Variants in ROBO2 observed in about 807,000 individuals in gnomAD.
The protein encoded by ROBO2 is roundabout homolog 2.
A neutral mutation model predicts 160.8 loss-of-function variants in ROBO2; 53 were observed. The ratio of observed to expected loss-of-function variants is 0.33; its 90% CI spans 0.26 to 0.41. The LOEUF (loss-of-function observed/expected upper bound fraction) is 0.41. Among genes scored for constraint, ROBO2 ranks in the 10% least tolerant of loss-of-function variants. ROBO2 has a pLI of 1.00. For missense variants in ROBO2, 1,577 were observed against 1,722.4 expected (o/e 0.92, Z 1.49); for synonymous variants, 664 against 611.7 (o/e 1.09, Z -1.26).
chr3:77,174,184 A>C (rs2079910105), intron 2 of ROBO2, among the ~76,000 whole-genome samples: 1 of 152,060 alleles, frequency 6.6e-6, no homozygotes, highest in African/African-American at 2.4e-5. Context: ...CAAAACATTA[A>C]CTGAGTCCTG....
rs2079168252 is a variant in ROBO2 at position 77,167,079 on chromosome 3, T to C, written c.388+68739T>C. ...AGTTTAAAATCTTGTCTACCAGCTC[T>C]GTGACAAACTGTACAAATTTGAGTA... On this transcript the variant is annotated intron_variant, in intron 2 of 25. Coordinates refer to ENST00000461745, the Ensembl canonical transcript of ROBO2. Among the ~76,000 whole-genome samples the C allele has an allele frequency of 2.6e-5, 4 of 152,222 alleles. No individual in the cohort carries two copies. In the South Asian group the frequency reaches 8.3e-4, roughly 31 times the overall value.
rs78969288 is a variant in ROBO2, at chr3:76,185,339, A to C, written c.109+247737A>C. Reference sequence around the variant, plus strand: ...ATCTATTATCATTGCTTTAAGTTGCATCTGTTTGATTACTTGCAAAATTAA... The same window carrying C: ...ATCTATTATCATTGCTTTAAGTTGCCTCTGTTTGATTACTTGCAAAATTAA... On this transcript the variant is annotated intron_variant, in intron 2 of 26. Transcript: ENST00000487694. Among the ~76,000 whole-genome samples the C allele has an allele frequency of 3.3e-5, 5 of 151,518 alleles. No individual in the cohort carries two copies. The East Asian group carries it at 9.7e-4, about 29-fold the overall frequency.
rs892649836 is a variant in ROBO2 at position 76,198,957 on chromosome 3, C to A, written c.109+261355C>A. Among the ~76,000 whole-genome samples, 5 of 152,214 alleles carry A rather than the reference C, an allele frequency of 3.3e-5. No homozygotes were observed. The East Asian group carries it at 9.7e-4, about 29-fold the overall frequency. On this transcript the variant is annotated intron_variant, in intron 2 of 26. Transcript: ENST00000487694. ...TAAAATGTATGAAATTGAACTGTAC[C>A]CCAACTACCTTGGGTACATGTTCTC...
At chr3:75,914,658 C>T (rs1278091442) in intron 1 of ROBO2, among the ~76,000 whole-genome samples, 1 of 152,088 alleles carries the variant, frequency 6.6e-6, no homozygotes, top group Non-Finnish European at 1.5e-5. Context: ...CACATAAATG[C>T]AAAAGAATTT....
intron 2 of ROBO2, among the ~76,000 whole-genome samples, chr3:76,596,977 G>T (rs2086775353): frequency 6.6e-6 from 1 of 152,080 alleles, no homozygotes; most frequent in African/African-American, 2.4e-5. Flanking sequence ...ATATCAGTGG[G>T]ATAAAAATAT....
chr3:76,935,363 T>C (rs1372611829), intron 2 of ROBO2, among the ~76,000 whole-genome samples: 3 of 152,224 alleles, frequency 2.0e-5, no homozygotes, highest in African/African-American at 2.4e-5. Flanking sequence ...GATGATACAA[T>C]ACTGTTAACA....
intron 2 of ROBO2, among the ~76,000 whole-genome samples, chr3:76,562,719 G>T (rs539833327): frequency 6.6e-6 from 1 of 152,124 alleles, no homozygotes; most frequent in South Asian, 2.1e-4. Context: ...ATAATATTTT[G>T]TCATGTCTTT....
chr3:76,134,420 C>T (rs931229658), intron 2 of ROBO2, among the ~76,000 whole-genome samples: 20 of 152,114 alleles, frequency 1.3e-4, no homozygotes, highest in African/African-American at 3.4e-4. Flanking sequence ...CCAACACCCC[C>T]GTGATTATGT....
At chr3:76,449,190 A>G (rs1184226497) in intron 2 of ROBO2, among the ~76,000 whole-genome samples, 1 of 152,174 alleles carries the variant, frequency 6.6e-6, no homozygotes, top group East Asian at 1.9e-4. Flanking sequence ...GTTTAAAACT[A>G]TGTATAAATG....
intron 2 of ROBO2, among the ~76,000 whole-genome samples, chr3:77,440,242 T>G (rs2079773787): frequency 6.6e-6 from 1 of 152,184 alleles, no homozygotes; most frequent in Non-Finnish European, 1.5e-5. Context: ...AAAGCCTAGC[T>G]TTCCATATTG....
intron 2 of ROBO2, among the ~76,000 whole-genome samples, chr3:77,407,868 CATT>C: frequency 6.6e-6 from 1 of 152,102 alleles, no homozygotes; most frequent in Non-Finnish European, 1.5e-5. Flanking sequence ...AAACAAGACT[CATT>C]AATATATAGG....
chr3:76,530,028 GAC>G (rs1183429053), intron 2 of ROBO2, among the ~76,000 whole-genome samples: 1 of 152,110 alleles, frequency 6.6e-6, no homozygotes, highest in African/African-American at 2.4e-5. Flanking sequence ...CACTTGGGCA[GAC>G]ACTCTCTCAT....
chr3:76,769,538 A>C (rs1330046156), intron 2 of ROBO2, among the ~76,000 whole-genome samples: 1 of 151,454 alleles, frequency 6.6e-6, no homozygotes, highest in Admixed American at 6.6e-5. Flanking sequence ...ACAAAGGCCA[A>C]AATAACTATT....
chr3:76,773,166 T>C (rs1288848899), intron 2 of ROBO2, among the ~76,000 whole-genome samples: 1 of 151,094 alleles, frequency 6.6e-6, no homozygotes, highest in Non-Finnish European at 1.5e-5. Context: ...AATAATAAAA[T>C]GCAGCATTTA....
At chr3:76,825,545 G>T (rs1387629590) in intron 2 of ROBO2, among the ~76,000 whole-genome samples, 1 of 135,660 alleles carries the variant, frequency 7.4e-6, no homozygotes, top group African/African-American at 2.8e-5. Context: ...GAAGAAAAAT[G>T]GTGTCAATTG....
At chr3:76,341,838 C>G (rs2074248348) in intron 2 of ROBO2, among the ~76,000 whole-genome samples, 2 of 152,140 alleles carry the variant, frequency 1.3e-5, no homozygotes, top group Non-Finnish European at 1.5e-5. Context: ...TGATGTAGCA[C>G]TATATTTTGT....
intron 2 of ROBO2, among the ~76,000 whole-genome samples, chr3:76,164,156 A>G (rs1486097466): frequency 6.6e-6 from 1 of 152,220 alleles, no homozygotes; most frequent in Non-Finnish European, 1.5e-5. Context: ...TCCATAAGAG[A>G]CAACTTCTCA....
Position 76,165,540 on chromosome 3 carries a change from C to T in ROBO2, c.109+227938C>T, listed in dbSNP as rs910766951. Among the ~76,000 whole-genome samples the T allele has an allele frequency of 3.3e-5, 5 of 152,112 alleles. No individual in the cohort carries two copies. In the South Asian group the frequency reaches 1.0e-3, roughly 32 times the overall value. On this transcript the variant is annotated intron_variant, in intron 2 of 26. Coordinates refer to the ROBO2 transcript ENST00000487694. ...AACATTCATTTGTTCACTGGAGTAGCACTTTAAATTTTCTTCAAGAACTTT... is the reference window on the plus strand; with the variant it reads ...AACATTCATTTGTTCACTGGAGTAGTACTTTAAATTTTCTTCAAGAACTTT...
chr3:76,477,839 T>C (rs2079007401), intron 2 of ROBO2, among the ~76,000 whole-genome samples: 1 of 152,022 alleles, frequency 6.6e-6, no homozygotes, highest in Non-Finnish European at 1.5e-5. Flanking sequence ...AAACCTTTTT[T>C]CTCTAAATTC....
Sources: gnomAD v4.1 joint callset for allele counts (sites outside exome capture counted in the v4.1 genomes callset) on GRCh38, gnomAD v4.1.1 for gene constraint, MANE v1.5 for transcripts, NCBI Gene and HGNC (gene_info 2026-07-23, HGNC 2026-07-21) for gene names.